The following MYO7A variants were observed in gnomAD, a reference collection of about 807,000 sequenced individuals.
MYO7A encodes myosin VIIA.
Under a neutral mutation model 263.8 loss-of-function variants are expected in MYO7A, and 210 were observed. The ratio of observed to expected loss-of-function variants is 0.80; its 90% confidence interval spans 0.71 to 0.89. MYO7A has a LOEUF of 0.89. Among genes scored for constraint, MYO7A ranks in the 40% least tolerant of loss-of-function variants. The pLI is 0.00. For synonymous variants in MYO7A, 1,239 were observed against 1,197.3 expected, an observed-to-expected ratio of 1.03 and a Z score of -0.72; for missense variants, 2,820 against 2,968.3, an observed-to-expected ratio of 0.95 and a Z score of 1.16.
intron 36 of MYO7A, among the ~76,000 whole-genome samples, chr11:77,202,014 C>G (rs1011321428): frequency 1.3e-5 from 2 of 152,158 alleles, no homozygotes; most frequent in South Asian, 4.1e-4. Context: ...GAGCCAGGCT[C>G]AGTGGACGAG....
intron 9 of MYO7A, 47 bp from the exon 10 acceptor site, chr11:77,159,400 G>T: frequency 9.6e-6 from 9 of 940,308 alleles, no homozygotes; most frequent in East Asian, 2.3e-5. Context: ...CCTTGCCCCT[G>T]TTGCCCACCC....
In MYO7A at chr11:77,199,576, G is replaced by A; in HGVS notation, c.4610G>A (p.Gly1537Asp). Residue 1537 changes from glycine to aspartate, a missense_variant, in exon 35 of 49, where the codon GGC (glycine) becomes GAC (aspartate). Transcript: ENST00000409709. ...VWLSLGCSDL[G>D]CAAPHSGWAG... ...CTCTCACTGGGCTGCTCTGATCTTG[G>A]CTGTGCTGCGCCTCACTCAGGCTGG... 1.3e-6 allele frequency: 2 copies of A among 1,557,116 alleles called. No homozygotes were observed. The highest frequency in any genetic ancestry group is 1.7e-6 in the Non-Finnish European group (2 of 1,149,124).
At chr11:77,195,423 C>A (rs883742) in intron 32 of MYO7A, among the ~76,000 whole-genome samples, 2 of 152,174 alleles carry the variant, frequency 1.3e-5, no homozygotes, top group Non-Finnish European at 2.9e-5. Context: ...CCCTCACATG[C>A]CGGCAGCCAC....
chr11:77,201,625 C>A lies in MYO7A; in HGVS notation c.5030C>A (p.Pro1677Gln), dbSNP rs376977190. 2 of 1,613,350 alleles carry A rather than the reference C, an allele frequency of 1.2e-6. No individual in the cohort carries two copies. The highest frequency in any genetic ancestry group is 1.1e-5 in the South Asian group (1 of 91,070). ...GTCATGCCCACTGTCACCATGCCAC[C>A]GCGGGAGATTGTGGTATGTGGCCTG... ...VYVMPTVTMPPREIVALVTMT... is the reference protein window; with the variant it reads ...VYVMPTVTMPQREIVALVTMT... The change falls in exon 36 of 49, where the codon CCG becomes CAG. Residue 1677 changes from proline (P) to glutamine (Q), a missense_variant. Coordinates refer to ENST00000409709, the MANE Select transcript of MYO7A (RefSeq NM_000260.4).
chr11:77,150,980 G>A (rs12289667), intron 4 of MYO7A, among the ~76,000 whole-genome samples: 55,943 of 152,008 alleles, frequency 0.37, 12,014 homozygotes, highest in East Asian at 0.66. Context: ...CAACACGTGC[G>A]CTCAGGATTT....
rs376764423 is a variant in MYO7A, at chr11:77,208,472, C to T, written c.5899C>T (p.Arg1967Ter). 9 of 1,613,572 alleles carry T rather than the reference C, an allele frequency of 5.6e-6. No individual in the cohort carries two copies. The highest frequency in any genetic ancestry group is 2.2e-5 in the South Asian group (2 of 90,978). Reference protein sequence around the residue: ...PENDFFFDFVRHLTDWIKKAR... With the variant: ...PENDFFFDFV ...GAATGACTTCTTCTTTGACTTTGTT[C>T]GACACTTGACAGACTGGATAAAGAA... The change falls in exon 43 of 49, where the codon CGA becomes TGA. Residue 1967 changes from arginine (R) to a stop codon, truncating the protein, a stop_gained. Transcript: ENST00000409709. LOFTEE classifies it high-confidence loss of function.
intron 32 of MYO7A, among the ~76,000 whole-genome samples, chr11:77,197,067 C>T (rs996148071): frequency 2.6e-5 from 4 of 152,178 alleles, no homozygotes; most frequent in Admixed American, 6.5e-5. Context: ...GACCTGGCTC[C>T]GCACGCTGTG....
intron 4 of MYO7A, 99 bp from the exon 5 acceptor site, chr11:77,155,808 T>A: frequency 1.5e-6 from 2 of 1,310,480 alleles, no homozygotes; most frequent in Non-Finnish European, 1.0e-6. Flanking sequence ...CCAGGACTCT[T>A]CCCTCCAGGG....
At chr11:77,173,260 C>G (rs934447553) in intron 16 of MYO7A, among the ~76,000 whole-genome samples, 1 of 152,238 alleles carries the variant, frequency 6.6e-6, no homozygotes, top group Admixed American at 6.5e-5. Flanking sequence ...CCAGCAAGTG[C>G]CCAGTGATTG....
At position 77,199,680 on chromosome 11, in the gene MYO7A, C is replaced by G; in HGVS notation, c.4714C>G (p.Leu1572Val). Residue 1572 changes from leucine to valine, a missense_variant, in exon 35 of 49, where the codon CTG becomes GTG. By Grantham distance (32) the Leu-to-Val change is conservative. Transcript: ENST00000409709. ...GAKTTAPSFT[L>V]ATIKGDEYTF... ...GAAAACGACGGCCCCCAGCTTCACG[C>G]TGGCCACCATCAAGGGGGACGAATA... 1 of 1,613,466 alleles carries G rather than the reference C, an allele frequency of 6.2e-7. No homozygotes were observed. Among genetic ancestry groups the G allele is most frequent in the African/African-American group, 1.3e-5 (1 of 75,058 alleles).
intron 23 of MYO7A, among the ~76,000 whole-genome samples, 170 bp from the exon 24 acceptor site, chr11:77,181,767 GTTTTTTTTTTTGTT>G (rs1476802782): frequency 3.0e-4 from 42 of 138,274 alleles, no homozygotes; most frequent in African/African-American, 1.1e-3. Flanking sequence ...CCCTTCTCAA[GTTTTTTTTTTTGTT>G]TTTTTTTTTT....
At position 77,172,899 on chromosome 11, in the gene MYO7A, G is replaced by T. The variant is rs1555077363; in HGVS notation, c.1935+14G>T. 1 of 1,542,696 alleles carries T rather than the reference G, an allele frequency of 6.5e-7. No homozygotes were observed. ...AAGAAGCCCATGGTGAGTGGCCCTG[G>T]CCTGGGGTTGGCGGGTGGCGGCTAG... On this transcript the variant is annotated intron_variant, in intron 16 of 48. Coordinates refer to ENST00000409709, the MANE Select transcript of MYO7A (RefSeq NM_000260.4).
At chr11:77,163,818 T>C (rs1953250015) in intron 14 of MYO7A, among the ~76,000 whole-genome samples, 1 of 57,270 alleles carries the variant, frequency 1.7e-5, no homozygotes, top group Non-Finnish European at 3.3e-5. Flanking sequence ...TATCCATTTA[T>C]CTGCTAATGG....
chr11:77,154,615 A>G (rs1303180640), intron 4 of MYO7A, among the ~76,000 whole-genome samples: 1 of 149,028 alleles, frequency 6.7e-6, no homozygotes, highest in Non-Finnish European at 1.5e-5. Context: ...GCTCCCCTCC[A>G]GCCTCCCGCC....
At position 77,202,283 on chromosome 11, in the gene MYO7A, T is replaced by G. The variant is rs1292514012; in HGVS notation, c.5044-17T>G. The G allele has an allele frequency of 6.4e-7, 1 of 1,574,578 alleles. No individual in the cohort carries two copies. Among genetic ancestry groups the G allele is most frequent in the East Asian group, 2.3e-5 (1 of 43,100 alleles). ...AGGTAGAGAGCTGACCTGAGCCCCC[T>G]GTCTCTTGGTCCCTAGGCCCTGGTC... On this transcript the variant is annotated splice_polypyrimidine_tract_variant and intron_variant, in intron 36 of 48. Transcript: ENST00000409709.
chr11:77,128,711 C>T (rs1345295763), intron 1 of MYO7A, among the ~76,000 whole-genome samples: 3 of 152,194 alleles, frequency 2.0e-5, no homozygotes, highest in Admixed American at 6.5e-5. Context: ...AGCCAAGGAG[C>T]ATGTTGTCCA....
chr11:77,161,047 T>C lies in MYO7A; in HGVS notation c.1275T>C (p.Asp425=), dbSNP rs1555068396. The change falls in exon 12 of 49, where the codon GAT becomes GAC. Residue 425 remains aspartate (D), a synonymous_variant. Coordinates refer to ENST00000409709, the MANE Select transcript of MYO7A (RefSeq NM_000260.4). ...NAAIYKPPSQ[D]VKNSRRSIGL... is the part of the protein sequence containing the mutation. The stretch of plus-strand genomic sequence containing the variant: ...CAATTTACAAGCCTCCCTCCCAGGA[T>C]GTGAAGAACTCTCGCAGGTCCATCG... 1 of 1,613,934 alleles carries C rather than the reference T, an allele frequency of 6.2e-7. No homozygotes were observed.
chr11:77,182,336 T>A, intron 24 of MYO7A, 88 bp from the exon 25 acceptor site: 5 of 1,471,888 alleles, frequency 3.4e-6, no homozygotes, highest in Non-Finnish European at 3.6e-6. Flanking sequence ...AGGGGGTGTC[T>A]CCAGCCCACT....
At chr11:77,199,055 G>A (rs1351230819) in intron 34 of MYO7A, among the ~76,000 whole-genome samples, 1 of 152,334 alleles carries the variant, frequency 6.6e-6, no homozygotes, top group East Asian at 1.9e-4. Flanking sequence ...GGTGGGGTGG[G>A]TTGCTGGGAT....
Sources: gnomAD v4.1 joint callset for allele counts (sites outside exome capture counted in the v4.1 genomes callset) on GRCh38, gnomAD v4.1.1 for gene constraint, MANE v1.5 for transcripts, NCBI Gene and HGNC (gene_info 2026-07-23, HGNC 2026-07-21) for gene names.